The following VPS13B variants were observed in gnomAD, a reference collection of about 807,000 sequenced individuals.
The protein encoded by VPS13B is vacuolar protein sorting 13 homolog B, also known as intermembrane lipid transfer protein VPS13B.
A neutral mutation model predicts 426.4 loss-of-function variants in VPS13B; 285 were observed. That is an observed-to-expected ratio of 0.67 (90% CI 0.61 to 0.74). The LOEUF (loss-of-function observed/expected upper bound fraction) is 0.74. Among genes scored for constraint, VPS13B ranks in the 30% least tolerant of loss-of-function variants. The probability of loss-of-function intolerance (pLI) is 0.00; values close to 1 mark genes in which losing one functional copy is unlikely to be tolerated. For missense variants in VPS13B, 4,537 were observed against 4,782.6 expected (o/e 0.95, Z 1.51); for synonymous variants, 1,676 against 1,676.4 (o/e 1.00, Z 0.01).
intron 17 of VPS13B, among the ~76,000 whole-genome samples, chr8:99,269,398 G>T (rs1378581982): frequency 6.6e-6 from 1 of 152,006 alleles, no homozygotes; most frequent in African/African-American, 2.4e-5. Context: ...TTCAAATGTG[G>T]GTATTTTCAC....
At chr8:99,610,572 C>T (rs1290933228) in intron 33 of VPS13B, among the ~76,000 whole-genome samples, 1 of 151,198 alleles carries the variant, frequency 6.6e-6, no homozygotes, top group Non-Finnish European at 1.5e-5. Context: ...GAACATCACA[C>T]ACCAGGGCCT....
At chr8:99,824,350 C>G (rs1013016574) in intron 51 of VPS13B, among the ~76,000 whole-genome samples, 2 of 152,188 alleles carry the variant, frequency 1.3e-5, no homozygotes, top group African/African-American at 2.4e-5. Context: ...GCTGCAGTGC[C>G]TGGGGGAGCC....
At chr8:99,677,457 C>T (rs1303891134) in intron 35 of VPS13B, among the ~76,000 whole-genome samples, 1 of 152,150 alleles carries the variant, frequency 6.6e-6, no homozygotes, top group Non-Finnish European at 1.5e-5. Flanking sequence ...AAACAGTAAA[C>T]TTGATGTCAG....
intron 19 of VPS13B, among the ~76,000 whole-genome samples, chr8:99,315,778 G>A (rs996477747): frequency 2.0e-5 from 3 of 151,888 alleles, no homozygotes; most frequent in East Asian, 1.9e-4. Context: ...CTAGGACTAC[G>A]GGCGCCTGCC....
chr8:99,134,965 A>C, intron 9 of VPS13B, 50 bp from the exon 10 acceptor site: 1 of 1,608,922 alleles, frequency 6.2e-7, no homozygotes, highest in Non-Finnish European at 8.5e-7. Context: ...AGCCTCTAAC[A>C]TTTTTATTAA....
intron 16 of VPS13B, among the ~76,000 whole-genome samples, chr8:99,177,110 G>A (rs1201391517): frequency 6.6e-6 from 1 of 152,184 alleles, no homozygotes; most frequent in East Asian, 1.9e-4. Flanking sequence ...AGGAAGTGAT[G>A]AGTGCTCACA....
intron 2 of VPS13B, among the ~76,000 whole-genome samples, chr8:99,027,928 G>A (rs1842222014): frequency 6.6e-6 from 1 of 152,086 alleles, no homozygotes; most frequent in African/African-American, 2.4e-5. Flanking sequence ...CTTAAGATTA[G>A]GGAGTGGTGA....
At chr8:99,188,053 A>T (rs1343247953) in intron 16 of VPS13B, among the ~76,000 whole-genome samples, 141 of 112,750 alleles carry the variant, frequency 1.3e-3, no homozygotes, top group Non-Finnish European at 1.7e-3. Flanking sequence ...TTGTTTGGAC[A>T]TTTTTTTTTT....
At chr8:99,786,889 A>G (rs1812299141) in intron 43 of VPS13B, among the ~76,000 whole-genome samples, 2 of 152,246 alleles carry the variant, frequency 1.3e-5, no homozygotes, top group Admixed American at 6.5e-5. Flanking sequence ...CATTACATTC[A>G]CAGTTGAAAA....
In VPS13B at chr8:99,013,339, C is replaced by G. The variant is rs1422942573; in HGVS notation, c.-38C>G. ...TGGAGGTGGAGGGGACGCGGCGGTA[C>G]TCTGGCGTGTGAGCCGAGGGTGGAG... On this transcript the variant is annotated 5_prime_UTR_variant, in exon 1 of 62. Coordinates refer to ENST00000357162, the MANE Select transcript of VPS13B (RefSeq NM_152564.5). 2 of 272,426 alleles carry G rather than the reference C, an allele frequency of 7.3e-6. No individual in the cohort carries two copies. Among genetic ancestry groups the G allele is most frequent in the African/African-American group, 4.4e-5 (2 of 45,180 alleles). 16.9% of individuals were successfully genotyped at this position (272,426 alleles called of 1,614,324 possible). A position where few individuals can be genotyped will look rare whatever the true frequency, so the allele number is the denominator to read the frequency against.
intron 23 of VPS13B, among the ~76,000 whole-genome samples, chr8:99,462,694 C>G (rs1563743820): frequency 6.6e-6 from 1 of 152,072 alleles, no homozygotes; most frequent in Non-Finnish European, 1.5e-5. Context: ...ATATGTTGAG[C>G]CCTTAACATC....
chr8:99,767,520 G>A (rs1234012930), intron 40 of VPS13B, among the ~76,000 whole-genome samples: 8 of 112,414 alleles, frequency 7.1e-5, no homozygotes, highest in South Asian at 5.3e-4. Context: ...AAAAAAAAAG[G>A]CGACAGTCCT....
At chr8:99,076,361 C>T (rs1054223839) in intron 3 of VPS13B, among the ~76,000 whole-genome samples, 1 of 152,082 alleles carries the variant, frequency 6.6e-6, no homozygotes, top group Non-Finnish European at 1.5e-5. Flanking sequence ...CTGTAAATAT[C>T]TGTTAAGTCT....
At chr8:99,662,275 C>T (rs192342002) in intron 35 of VPS13B, among the ~76,000 whole-genome samples, 53 of 152,006 alleles carry the variant, frequency 3.5e-4, no homozygotes, top group African/African-American at 1.2e-3. Context: ...ATCTCATGTT[C>T]TTCCCCCTCT....
intron 36 of VPS13B, among the ~76,000 whole-genome samples, chr8:99,703,290 A>G (rs529014038): frequency 4.5e-4 from 68 of 152,278 alleles, no homozygotes; most frequent in African/African-American, 1.6e-3. Context: ...CTTTAACCCT[A>G]AACTATGGGA....
intron 51 of VPS13B, among the ~76,000 whole-genome samples, chr8:99,828,038 G>C (rs1160434300): frequency 6.6e-6 from 1 of 152,158 alleles, no homozygotes; most frequent in Non-Finnish European, 1.5e-5. Context: ...GTTCTGAGAA[G>C]AATGTATATT....
At position 99,136,746 on chromosome 8, in the gene VPS13B, G is replaced by A. The variant is rs2132559527; in HGVS notation, c.1645G>A (p.Gly549Ser). The A allele has an allele frequency of 6.2e-7, 1 of 1,613,428 alleles. No individual in the cohort carries two copies. Reference sequence around the variant, plus strand: ...CCTGTATACAATGGAGAACACTAGTGGCAAAGGTATTGGCTTCTTTCCTTT... The same window carrying A: ...CCTGTATACAATGGAGAACACTAGTAGCAAAGGTATTGGCTTCTTTCCTTT... ...DYLYTMENTS[G>S]KGSTNQQDFS... Residue 549 changes from glycine (G) to serine (S), a missense_variant, in exon 12 of 62, where the codon GGC (glycine) becomes AGC (serine). Physicochemically the swap from Gly to Ser is moderately conservative, Grantham distance 56. Transcript: ENST00000357162.
At chr8:99,147,532 C>A (rs1479878420) in intron 13 of VPS13B, among the ~76,000 whole-genome samples, 1 of 152,070 alleles carries the variant, frequency 6.6e-6, no homozygotes, top group Non-Finnish European at 1.5e-5. Flanking sequence ...CTGTGTCTTG[C>A]CTTTACATTA....
intron 19 of VPS13B, among the ~76,000 whole-genome samples, chr8:99,321,710 AC>A (rs1381448449): frequency 6.6e-6 from 1 of 152,192 alleles, no homozygotes; most frequent in Non-Finnish European, 1.5e-5. Context: ...TATTTGAATA[AC>A]ATTTGTAATT....
Sources: gnomAD v4.1 joint callset for allele counts (sites outside exome capture counted in the v4.1 genomes callset) on GRCh38, gnomAD v4.1.1 for gene constraint, MANE v1.5 for transcripts, NCBI Gene and HGNC (gene_info 2026-07-23, HGNC 2026-07-21) for gene names.